Variants in NELL1 observed in about 807,000 individuals in gnomAD.
The protein encoded by NELL1 is protein kinase C-binding protein NELL1.
A neutral mutation model predicts 107.4 loss-of-function variants in NELL1; 76 were observed. The ratio of observed to expected loss-of-function variants is 0.71; its 90% confidence interval spans 0.59 to 0.86. NELL1 has a LOEUF of 0.86. Among genes scored for constraint, NELL1 ranks in the 40% least tolerant of loss-of-function variants. The pLI is 0.00. For synonymous variants in NELL1, 353 were observed against 341.2 expected (o/e 1.03, Z -0.38); for missense variants, 1,024 against 1,005.5 (o/e 1.02, Z -0.25).
chr11:21,101,181 T>C (rs1452773361), intron 12 of NELL1, among the ~76,000 whole-genome samples: 1 of 152,216 alleles, frequency 6.6e-6, no homozygotes, highest in Admixed American at 6.5e-5. Context: ...TCATTTTTTA[T>C]GGCTGCATAG....
chr11:21,472,668 T>G (rs1468303169), intron 15 of NELL1, among the ~76,000 whole-genome samples: 2 of 152,028 alleles, frequency 1.3e-5, no homozygotes, highest in African/African-American at 4.8e-5. Context: ...AGAAAAAAAC[T>G]ACATACTTAT....
intron 15 of NELL1, among the ~76,000 whole-genome samples, chr11:21,437,863 T>C (rs931490592): frequency 3.3e-5 from 5 of 152,234 alleles, no homozygotes; most frequent in Admixed American, 2.0e-4. Flanking sequence ...TCTATATCTT[T>C]TAGTTGGAAA....
chr11:21,257,612 A>T (rs1858802427), intron 14 of NELL1, among the ~76,000 whole-genome samples: 1 of 152,036 alleles, frequency 6.6e-6, no homozygotes, highest in Admixed American at 6.6e-5. Context: ...ACTCCTGAAC[A>T]TTCCAACAAA....
chr11:21,309,285 T>TATATATA (rs1554999565), intron 14 of NELL1, among the ~76,000 whole-genome samples: 7 of 68,112 alleles, frequency 1.0e-4, no homozygotes, highest in East Asian at 6.2e-4. Flanking sequence ...TATATGTATA[T>TATATATA]ATATATATAT....
intron 13 of NELL1, among the ~76,000 whole-genome samples, chr11:21,171,227 C>A (rs1350725724): frequency 5.3e-5 from 8 of 151,616 alleles, no homozygotes; most frequent in Admixed American, 5.3e-4. Flanking sequence ...CATTTTAGCC[C>A]CATTGTTTTA....
At chr11:21,155,263 T>A (rs1219930857) in intron 13 of NELL1, among the ~76,000 whole-genome samples, 1 of 152,124 alleles carries the variant, frequency 6.6e-6, no homozygotes, top group African/African-American at 2.4e-5. Flanking sequence ...TTGTTCAGTT[T>A]GGACAGATTG....
At chr11:20,677,674 ATATT>A (rs974808737) in intron 1 of NELL1, among the ~76,000 whole-genome samples, 4 of 152,076 alleles carry the variant, frequency 2.6e-5, no homozygotes, top group Admixed American at 2.6e-4. Context: ...ATTCTGAACT[ATATT>A]TAACCCCAGG....
chr11:21,056,708 TTAAAA>T (rs1377361119), intron 12 of NELL1, among the ~76,000 whole-genome samples: 1 of 152,156 alleles, frequency 6.6e-6, no homozygotes, highest in African/African-American at 2.4e-5. Context: ...TTATTAAAAC[TTAAAA>T]TAAATGTTCC....
chr11:20,919,185 G>A, intron 6 of NELL1, 67 bp from the exon 7 acceptor site: 1 of 1,027,790 alleles, frequency 9.7e-7, no homozygotes. Context: ...CGTATCTACT[G>A]TTTTAAAATT....
At chr11:20,969,076 T>C (rs1851442378) in intron 12 of NELL1, among the ~76,000 whole-genome samples, 1 of 152,200 alleles carries the variant, frequency 6.6e-6, no homozygotes, top group Non-Finnish European at 1.5e-5. Context: ...TTATTTCCTT[T>C]TTCCCATAAA....
intron 5 of NELL1, among the ~76,000 whole-genome samples, chr11:20,904,092 A>G (rs1321345043): frequency 6.6e-6 from 1 of 152,170 alleles, no homozygotes; most frequent in East Asian, 1.9e-4. Flanking sequence ...AAGAACTGAT[A>G]AAAGGTACTT....
intron 2 of NELL1, among the ~76,000 whole-genome samples, chr11:20,707,093 C>T (rs754673771): frequency 2.7e-4 from 41 of 152,278 alleles, no homozygotes; most frequent in African/African-American, 8.7e-4. Context: ...CTTCTCTTCT[C>T]GCTTCATTTC....
At chr11:20,886,903 C>CACTGT (rs1849520766) in intron 5 of NELL1, among the ~76,000 whole-genome samples, 2 of 150,920 alleles carry the variant, frequency 1.3e-5, no homozygotes, top group African/African-American at 4.9e-5. Flanking sequence ...TGTACAGTGT[C>CACTGT]ACAAGTTTTG....
intron 12 of NELL1, among the ~76,000 whole-genome samples, chr11:21,018,524 A>T (rs1852622470): frequency 6.6e-6 from 1 of 152,084 alleles, no homozygotes; most frequent in African/African-American, 2.4e-5. Context: ...CATCCTGATT[A>T]GGAGAATATC....
chr11:20,993,687 C>T (rs1852027018), intron 12 of NELL1, among the ~76,000 whole-genome samples: 1 of 152,090 alleles, frequency 6.6e-6, no homozygotes, highest in South Asian at 2.1e-4. Context: ...ACTGATAATA[C>T]TTAATAAAAT....
intron 12 of NELL1, among the ~76,000 whole-genome samples, chr11:20,976,973 A>G (rs1028598736): frequency 2.0e-5 from 3 of 151,930 alleles, no homozygotes; most frequent in African/African-American, 7.3e-5. Flanking sequence ...TTGAATCATA[A>G]TTAAGAAGAG....
At chr11:20,687,687 G>A (rs982951698) in intron 2 of NELL1, among the ~76,000 whole-genome samples, 4 of 151,932 alleles carry the variant, frequency 2.6e-5, no homozygotes, top group African/African-American at 7.3e-5. Flanking sequence ...CGCCTCCTGG[G>A]TTCAAGCGAT....
chr11:20,932,649 G>A (rs138747834), intron 9 of NELL1, among the ~76,000 whole-genome samples: 175 of 152,286 alleles, frequency 1.1e-3, no homozygotes, highest in African/African-American at 4.0e-3. Flanking sequence ...GGTAGGGTCC[G>A]CTATTATCCC....
At chr11:20,962,123 G>A (rs2134216853) in intron 12 of NELL1, among the ~76,000 whole-genome samples, 1 of 152,028 alleles carries the variant, frequency 6.6e-6, no homozygotes, top group East Asian at 1.9e-4. Flanking sequence ...TCACTTGGGA[G>A]AATGAAACTG....
Sources: allele counts gnomAD v4.1 joint callset (sites outside exome capture counted in the v4.1 genomes callset), GRCh38; gene constraint gnomAD v4.1.1; transcripts MANE v1.5; gene names NCBI Gene and HGNC (gene_info 2026-07-23, HGNC 2026-07-21).